PTPRK: variants seen among roughly 807,000 people sequenced by gnomAD.
PTPRK encodes the protein protein tyrosine phosphatase receptor type K.
A neutral mutation model predicts 178.0 loss-of-function variants in PTPRK; 75 were observed. That is an observed-to-expected ratio of 0.42 (90% CI 0.35 to 0.51). The LOEUF is 0.51. PTPRK is among the 20% of genes least tolerant of loss of function. The pLI, the probability that PTPRK is intolerant of heterozygous loss-of-function variation, is 0.02. For missense variants in PTPRK, 1,441 were observed against 1,797.8 expected (o/e 0.80, Z 3.59); for synonymous variants, 637 against 620.6 (o/e 1.03, Z -0.39).
chr6:128,321,576 A>C, intron 3 of PTPRK: 1 of 516,336 alleles, frequency 1.9e-6, no homozygotes, highest in Non-Finnish European at 3.4e-6. Flanking sequence ...CCCCCTTAAC[A>C]TAGTTCATGA....
chr6:128,519,106 A>T lies in PTPRK; in HGVS notation c.100+1153T>A, dbSNP rs777724880. 10 of 530,608 alleles carry T rather than the reference A, an allele frequency of 1.9e-5. No homozygotes were observed. The highest frequency in any genetic ancestry group is 1.7e-4 in the African/African-American group (9 of 51,854). The allele number at this position is 530,608 out of a possible 1,614,324, so 32.9% of individuals were successfully genotyped here. ...CACTGCGTCTCCATCTGCACCGCGA[A>T]CCCCAGCAGCAGATGCGCTCGCCAG... is the stretch of plus-strand genomic sequence containing the variant. On this transcript the variant is annotated intron_variant, in intron 1 of 29. Coordinates refer to ENST00000368226, the MANE Select transcript of PTPRK (RefSeq NM_002844.4). The surrounding 1 kb of genome is among the most constrained non-coding windows in gnomAD (Gnocchi z 4.3).
At chr6:128,423,772 G>A (rs1214432034) in intron 1 of PTPRK, among the ~76,000 whole-genome samples, 1 of 152,084 alleles carries the variant, frequency 6.6e-6, no homozygotes, top group Non-Finnish European at 1.5e-5. Flanking sequence ...AGGCTGCAGT[G>A]AGCCAAGATC....
intron 13 of PTPRK, among the ~76,000 whole-genome samples, chr6:128,030,727 T>A (rs1430647055): frequency 6.6e-6 from 1 of 152,194 alleles, no homozygotes; most frequent in Non-Finnish European, 1.5e-5. Context: ...ATTCTCTGTA[T>A]AAAGCTTGTG....
intron 7 of PTPRK, among the ~76,000 whole-genome samples, chr6:128,167,127 A>C (rs537621389): frequency 1.3e-5 from 2 of 151,904 alleles, no homozygotes; most frequent in African/African-American, 4.8e-5. Flanking sequence ...TTATACATAA[A>C]TATAAATGAA....
At chr6:127,973,329 A>C (rs980962776) in intron 28 of PTPRK, among the ~76,000 whole-genome samples, 172 bp from the exon 29 acceptor site, 2 of 152,210 alleles carry the variant, frequency 1.3e-5, no homozygotes, top group East Asian at 3.9e-4. Flanking sequence ...TGAGGATGAA[A>C]TTAGATCAGT....
At chr6:128,098,973 A>G (rs1194792985) in intron 7 of PTPRK, among the ~76,000 whole-genome samples, 1 of 151,992 alleles carries the variant, frequency 6.6e-6, no homozygotes, top group African/African-American at 2.4e-5. Context: ...TAAATATTGG[A>G]ATAATAATTC....
intron 2 of PTPRK, among the ~76,000 whole-genome samples, chr6:128,335,441 C>A (rs1219561397): frequency 1.8e-3 from 194 of 108,978 alleles, no homozygotes; most frequent in Non-Finnish European, 2.2e-3. Context: ...GGAATGATAA[C>A]AAAAAAAAAA....
chr6:128,213,922 G>A (rs1204652431), intron 6 of PTPRK, among the ~76,000 whole-genome samples: 2 of 152,010 alleles, frequency 1.3e-5, no homozygotes, highest in African/African-American at 4.8e-5. Flanking sequence ...CACCACAATT[G>A]TCATCATCAC....
intron 2 of PTPRK, among the ~76,000 whole-genome samples, chr6:128,356,546 C>T (rs1833989859): frequency 1.3e-5 from 2 of 152,188 alleles, no homozygotes; most frequent in African/African-American, 4.8e-5. Context: ...ATGCCCTTCA[C>T]GAAACAACTA....
At chr6:128,483,931 G>A (rs1180412849) in intron 1 of PTPRK, among the ~76,000 whole-genome samples, 1 of 151,992 alleles carries the variant, frequency 6.6e-6, no homozygotes, top group African/African-American at 2.4e-5. Context: ...ATTTAGTAAT[G>A]ACATCCTGGG....
intron 6 of PTPRK, among the ~76,000 whole-genome samples, chr6:128,193,659 G>A (rs1804302809): frequency 6.6e-6 from 1 of 152,120 alleles, no homozygotes; most frequent in African/African-American, 2.4e-5. Context: ...CTATGACATG[G>A]CTCTTTCCTG....
At chr6:128,327,976 T>C (rs1236678257) in intron 2 of PTPRK, among the ~76,000 whole-genome samples, 1 of 152,176 alleles carries the variant, frequency 6.6e-6, no homozygotes, top group Non-Finnish European at 1.5e-5. Flanking sequence ...ACATTCTCCC[T>C]GCAGCAGAGT....
At chr6:128,241,534 G>A (rs189537296) in intron 4 of PTPRK, among the ~76,000 whole-genome samples, 52 of 152,332 alleles carry the variant, frequency 3.4e-4, no homozygotes, top group Middle Eastern at 6.8e-3. Context: ...TCTCAGGGAG[G>A]ATTGCTGAAC....
chr6:128,480,413 A>G (rs1562607733), intron 1 of PTPRK, among the ~76,000 whole-genome samples: 1 of 148,604 alleles, frequency 6.7e-6, no homozygotes, highest in Non-Finnish European at 1.5e-5. Flanking sequence ...GTTATTTGTG[A>G]CTCTTTCTCT....
chr6:128,513,431 C>T (rs1857457040), intron 1 of PTPRK, among the ~76,000 whole-genome samples: 1 of 148,076 alleles, frequency 6.8e-6, no homozygotes. Flanking sequence ...TTCAGTGAGC[C>T]GAGATCGTGC....
chr6:127,992,497 A>C (rs529387048), intron 19 of PTPRK, among the ~76,000 whole-genome samples, 176 bp downstream of exon 19: 2 of 151,922 alleles, frequency 1.3e-5, no homozygotes, highest in Middle Eastern at 3.4e-3. Flanking sequence ...GCTTAAATTT[A>C]TATAAGCTTT....
intron 1 of PTPRK, among the ~76,000 whole-genome samples, chr6:128,496,061 GTA>G (rs1429561633): frequency 6.6e-6 from 1 of 152,104 alleles, no homozygotes; most frequent in East Asian, 1.9e-4. Flanking sequence ...ATATTGACAA[GTA>G]TATGTTTCAC....
rs2114643621 is a variant in PTPRK, at chr6:127,985,730, A to C, written c.3242T>G (p.Val1081Gly). The C allele has an allele frequency of 6.2e-7, 1 of 1,612,574 alleles. No individual in the cohort carries two copies. The highest frequency in any genetic ancestry group is 8.5e-7 in the Non-Finnish European group (1 of 1,178,816). The stretch of plus-strand genomic sequence containing the variant: ...TTGGACCACCACTTACCTGCAATGT[A>C]CAACGATGGGGCCAGCACTGGGAGG... The part of the protein sequence containing the change: ...SNPPSAGPIV[V>G]HCSAGAGRTG... The change falls in exon 22 of 30, where the codon GTA becomes GGA. Residue 1081 changes from valine (V) to glycine (G), a missense_variant. This residue lies in a region of PTPRK where 335 missense variants were observed against 512.4 expected (regional missense o/e 0.65). Transcript: ENST00000368226.
At chr6:128,273,582 G>A (rs999777347) in intron 3 of PTPRK, among the ~76,000 whole-genome samples, 1 of 152,064 alleles carries the variant, frequency 6.6e-6, no homozygotes, top group Non-Finnish European at 1.5e-5. Flanking sequence ...AACTCCATCA[G>A]ACATACAGTC....
Sources: allele counts gnomAD v4.1 joint callset (sites outside exome capture counted in the v4.1 genomes callset), GRCh38; gene constraint gnomAD v4.1.1; regional missense constraint gnomAD v4.1.1; non-coding constraint Gnocchi (gnomAD v3.1); transcripts MANE v1.5; gene names NCBI Gene and HGNC (gene_info 2026-07-23, HGNC 2026-07-21).